Variants in OGDHL observed in about 807,000 individuals in gnomAD.
The protein encoded by OGDHL is oxoglutarate dehydrogenase L.
OGDHL carries 79 observed loss-of-function variants against 109.6 expected under a neutral mutation model. The ratio of observed to expected loss-of-function variants is 0.72; its 90% CI spans 0.60 to 0.87. The LOEUF (loss-of-function observed/expected upper bound fraction) is 0.87. Among genes scored for constraint, OGDHL ranks in the 40% least tolerant of loss-of-function variants. OGDHL has a pLI of 0.00. For missense variants in OGDHL, 1,275 were observed against 1,362.2 expected, an observed-to-expected ratio of 0.94 and a Z score of 1.01; for synonymous variants, 528 against 537.2, an observed-to-expected ratio of 0.98 and a Z score of 0.24.
intron 15 of OGDHL, among the ~76,000 whole-genome samples, chr10:49,742,195 CCA>C (rs780243436): frequency 1.4e-5 from 2 of 138,806 alleles, no homozygotes; most frequent in African/African-American, 2.7e-5. Flanking sequence ...TATACACACC[CCA>C]CACACATACG....
chr10:49,751,746 C>T, intron 6 of OGDHL, 81 bp downstream of exon 6: 2 of 1,528,710 alleles, frequency 1.3e-6, no homozygotes, highest in Admixed American at 1.8e-5. Context: ...TACCCTCCTG[C>T]TCTCTTAGGC....
intron 3 of OGDHL, among the ~76,000 whole-genome samples, chr10:49,754,472 T>C (rs1206410566): frequency 6.6e-6 from 1 of 152,224 alleles, no homozygotes; most frequent in Non-Finnish European, 1.5e-5. Context: ...CTGTCTTTCC[T>C]ACACAATCTG....
chr10:49,748,682 G>A (rs1842367615), intron 8 of OGDHL, among the ~76,000 whole-genome samples: 1 of 151,584 alleles, frequency 6.6e-6, no homozygotes, highest in South Asian at 2.1e-4. Context: ...GGCTGAAGGT[G>A]CTAGAACAAA....
rs74445216 is a variant in OGDHL at position 49,744,083 on chromosome 10, C to A, written c.1772G>T (p.Cys591Phe). ...GTCCTCAGGGATCCCCGTGGCTGGG[C>A]ATGTCATGCTCTTGGGCTCCCCATC... ...NVDGEPKSMT[C>F]PATGIPEDML... The change falls in exon 14 of 23, where the codon TGC becomes TTC. Residue 591 changes from cysteine to phenylalanine, a missense_variant. Cys to Phe is a radical substitution (Grantham distance 205). Transcript: ENST00000374103. 1.1e-5 allele frequency: 18 copies of A among 1,613,886 alleles called. No homozygotes were observed. The highest frequency in any genetic ancestry group is 1.5e-5 in the Non-Finnish European group (18 of 1,179,980).
In OGDHL at chr10:49,742,819, T is replaced by G; in HGVS notation, c.2012+9A>C. 2 of 1,610,720 alleles carry G rather than the reference T, an allele frequency of 1.2e-6. No homozygotes were observed. The highest frequency in any genetic ancestry group is 1.7e-6 in the Non-Finnish European group (2 of 1,179,174). ...CTCCTGTGCGGATGCTGAGCCCCAC[T>G]GCGCTCACCTGAATGTGCCCCTCTC... On this transcript the variant is annotated intron_variant, in intron 15 of 22. Coordinates refer to ENST00000374103, the MANE Select transcript of OGDHL (RefSeq NM_018245.3).
intron 6 of OGDHL, among the ~76,000 whole-genome samples, chr10:49,751,559 C>G (rs1057180046): frequency 2.3e-4 from 35 of 152,238 alleles, no homozygotes; most frequent in Non-Finnish European, 3.5e-4. Context: ...ACAGCCACTT[C>G]CCGCCACTTC....
chr10:49,742,392 C>CCACACACACCACACACACCATACACA (rs1841804278), intron 15 of OGDHL, among the ~76,000 whole-genome samples: 1 of 750 alleles, frequency 1.3e-3, no homozygotes, highest in Non-Finnish European at 2.6e-3. Context: ...CACCACACCC[C>CCACACACACCACACACACCATACACA]CACACACACC....
chr10:49,752,144 G>A lies in OGDHL; in HGVS notation c.583C>T (p.Arg195Trp), dbSNP rs150734131. The A allele has an allele frequency of 1.1e-4, 172 of 1,613,998 alleles. No individual in the cohort carries two copies. In the Middle Eastern group the frequency reaches 1.2e-3, roughly 11 times the overall value. Residue 195 changes from arginine (R) to tryptophan (W), a missense_variant, in exon 5 of 23, where the codon CGG becomes TGG. Coordinates refer to ENST00000374103, the MANE Select transcript of OGDHL (RefSeq NM_018245.3). ...CCGCCTGTGCTCACCTCCAGGCGCCGAATGATCTCCCGCAGAGAGAGGGTG... is the reference window on the plus strand; with the variant it reads ...CCGCCTGTGCTCACCTCCAGGCGCCAAATGATCTCCCGCAGAGAGAGGGTG... ...ENTLSLREII[R>W]RLENTYCQHI...
In OGDHL at chr10:49,740,833, G is replaced by C. The variant is rs762846088; in HGVS notation, c.2017C>G (p.Arg673Gly). 18 of 1,613,680 alleles carry C rather than the reference G, an allele frequency of 1.1e-5. No homozygotes were observed. Among genetic ancestry groups the C allele is most frequent in the Non-Finnish European group, 1.5e-5 (18 of 1,179,802 alleles). The change falls in exon 16 of 23, where the codon CGG becomes GGG. Residue 673 changes from arginine (R) to glycine (G), a missense_variant. Arg to Gly is a moderately radical substitution (Grantham distance 125, BLOSUM62 -2). Transcript: ENST00000374103. ...QDVERGTFSH[R>G]HHVLHDQEVD... ...TCCTGGTCATGGAGAACATGGTGCCGGTGACTGCAGAGACACAGACCGGGG... is the reference window on the plus strand; with the variant it reads ...TCCTGGTCATGGAGAACATGGTGCCCGTGACTGCAGAGACACAGACCGGGG...
chr10:49,746,596 C>T (rs1842200655), intron 10 of OGDHL, among the ~76,000 whole-genome samples, 154 bp downstream of exon 10: 1 of 152,202 alleles, frequency 6.6e-6, no homozygotes, highest in East Asian at 1.9e-4. Context: ...TTTCACAGAC[C>T]AGGACACCAA....
intron 3 of OGDHL, chr10:49,756,485 G>A: frequency 3.6e-6 from 1 of 278,272 alleles, no homozygotes; most frequent in South Asian, 1.5e-4. Flanking sequence ...ACAGGCTTTG[G>A]AATTGATCCC....
intron 8 of OGDHL, among the ~76,000 whole-genome samples, chr10:49,748,797 G>T (rs1484701145): frequency 6.9e-6 from 1 of 145,544 alleles, no homozygotes; most frequent in African/African-American, 2.7e-5. Context: ...GCAGCAGGCT[G>T]GAGACAGCAG....
intron 14 of OGDHL, 30 bp downstream of exon 14, chr10:49,743,964 C>G (rs752840991): frequency 6.2e-7 from 1 of 1,604,550 alleles, no homozygotes; most frequent in Non-Finnish European, 8.5e-7. Flanking sequence ...GGGCCAGCAG[C>G]CTGGGCTGCA....
At position 49,744,684 on chromosome 10, in the gene OGDHL, C is replaced by A; in HGVS notation, c.1698G>T (p.Leu566=). 1.2e-6 allele frequency: 2 copies of A among 1,614,170 alleles called. No homozygotes were observed. Among genetic ancestry groups the A allele is most frequent in the Admixed American group, 3.3e-5 (2 of 60,028 alleles). Residue 566 remains leucine (L), a synonymous_variant, in exon 13 of 23, where the codon CTG becomes CTT. Transcript: ENST00000374103. ...AYGRSKDKKI[L]HIKHWLDSPW... is the part of the protein sequence containing the mutation. ...GGGAGTCCAACCAGTGCTTTATATG[C>A]AGAATCTTTTTATCCTTGGACCTGC...
chr10:49,745,523 G>C, intron 11 of OGDHL, 27 bp from the exon 12 acceptor site: 1 of 1,612,540 alleles, frequency 6.2e-7, no homozygotes, highest in Non-Finnish European at 8.5e-7. Flanking sequence ...AGGGGCTCAG[G>C]CCCTTCCCTA....
chr10:49,752,328 C>T, intron 4 of OGDHL, 80 bp from the exon 5 acceptor site: 1 of 1,045,668 alleles, frequency 9.6e-7, no homozygotes, highest in Non-Finnish European at 1.5e-6. Context: ...CCCGCAGTCT[C>T]ACCAGACCTC....
intron 1 of OGDHL, among the ~76,000 whole-genome samples, chr10:49,760,619 C>G (rs756060609): frequency 6.6e-6 from 1 of 152,222 alleles, no homozygotes; most frequent in Non-Finnish European, 1.5e-5. Flanking sequence ...TAATAGGCAC[C>G]GTCAGGAGCA....
rs1156960070 is a variant in OGDHL, at chr10:49,745,951, C to T, written c.1323G>A (p.Met441Ile). The change falls in exon 11 of 23, where the codon ATG becomes ATA. Residue 441 changes from methionine (M) to isoleucine (I), a missense_variant. Coordinates refer to ENST00000374103, the MANE Select transcript of OGDHL (RefSeq NM_018245.3). The part of the protein sequence containing the change: ...NQIGFTTDPR[M>I]ARSSPYPTDV... The stretch of plus-strand genomic sequence containing the variant: ...CGGTCGGGTATGGTGAGGAGCGGGC[C>T]ATTCGGGGGTCTGTGGTGAATCCAA... 2 of 1,614,060 alleles carry T rather than the reference C, an allele frequency of 1.2e-6. No homozygotes were observed. The highest frequency in any genetic ancestry group is 1.7e-6 in the Non-Finnish European group (2 of 1,180,034).
At position 49,745,822 on chromosome 10, in the gene OGDHL, G is replaced by C. The variant is rs1842138833; in HGVS notation, c.1452C>G (p.Phe484Leu). 1 of 1,614,144 alleles carries C rather than the reference G, an allele frequency of 6.2e-7. No homozygotes were observed. Among genetic ancestry groups the C allele is most frequent in the East Asian group, 2.2e-5 (1 of 44,874 alleles). Residue 484 changes from phenylalanine to leucine, a missense_variant, in exon 11 of 23, where the codon TTC becomes TTG. Transcript: ENST00000374103. ...CCAGGTCCACGACAACATCTTTGTTGAAAGTGTTTCTCCATTCGGCTGCCA... is the reference window on the plus strand; with the variant it reads ...CCAGGTCCACGACAACATCTTTGTTCAAAGTGTTTCTCCATTCGGCTGCCA... ...CSVAAEWRNT[F>L]NKDVVVDLVC...
Sources: gnomAD v4.1 joint callset for allele counts (sites outside exome capture counted in the v4.1 genomes callset) on GRCh38, gnomAD v4.1.1 for gene constraint, MANE v1.5 for transcripts, NCBI Gene and HGNC (gene_info 2026-07-23, HGNC 2026-07-21) for gene names.